DNAH10: variants seen among roughly 807,000 people sequenced by gnomAD.
DNAH10 encodes axonemal beta dynein heavy chain 10.
In DNAH10, 348 loss-of-function variants were observed where a neutral mutation model predicts 506.6. That is an observed-to-expected ratio of 0.69 (90% CI 0.63 to 0.75). DNAH10 has a LOEUF of 0.75. DNAH10 is among the 30% of genes least tolerant of loss of function. The pLI is 0.00. For missense variants in DNAH10, 5,179 were observed against 5,787.1 expected, an observed-to-expected ratio of 0.89 and a Z score of 3.41; for synonymous variants, 2,059 against 2,198.6, an observed-to-expected ratio of 0.94 and a Z score of 1.78.
At chr12:123,884,090 A>G (rs1952625766) in intron 51 of DNAH10, among the ~76,000 whole-genome samples, 1 of 151,826 alleles carries the variant, frequency 6.6e-6, no homozygotes, top group East Asian at 1.9e-4. Context: ...CTGGAGTGCA[A>G]TGACGTGATC....
chr12:123,855,123 G>A (rs1210541214), intron 36 of DNAH10, among the ~76,000 whole-genome samples: 1 of 152,112 alleles, frequency 6.6e-6, no homozygotes, highest in African/African-American at 2.4e-5. Flanking sequence ...CAATCCCCGG[G>A]GCTCCTGTGT....
In DNAH10 at chr12:123,803,745, A is replaced by C. The variant is rs889741434; in HGVS notation, c.2699A>C (p.Asp900Ala). The C allele has an allele frequency of 6.8e-6, 11 of 1,611,572 alleles. No homozygotes were observed. The highest frequency in any genetic ancestry group is 1.3e-5 in the African/African-American group (1 of 74,788). ...LVHQIHKNAD[D>A]ISSRLTLIEA... ...CACCAGATTCATAAGAATGCAGATG[A>C]CATTTCTTCCAGGCTGACATTAATA... Residue 900 changes from aspartate (D) to alanine (A), a missense_variant, in exon 17 of 79, where the codon GAC (aspartate) becomes GCC (alanine). This residue lies in a region of DNAH10 where 4,844 missense variants were observed against 5,430.5 expected (regional missense o/e 0.89). Transcript: ENST00000673944.
chr12:123,865,948 C>T lies in DNAH10; in HGVS notation c.7045-3C>T, dbSNP rs1951787338. 1.3e-6 allele frequency: 2 copies of T among 1,593,472 alleles called. No homozygotes were observed. Among genetic ancestry groups the T allele is most frequent in the African/African-American group, 1.3e-5 (1 of 74,156 alleles). On this transcript the variant is annotated splice_polypyrimidine_tract_variant and splice_region_variant and intron_variant, in intron 40 of 78. Transcript: ENST00000673944. Reference sequence around the variant, plus strand: ...CCATGATTGATTTTCTTTATTTATCCAGGTTGGAGATTTACAGTATGCCTC... The same window carrying T: ...CCATGATTGATTTTCTTTATTTATCTAGGTTGGAGATTTACAGTATGCCTC...
rs188464097 is a variant in DNAH10, at chr12:123,799,279, A to G, written c.2197A>G (p.Met733Val). ...KQKYLEVGRT[M>V]KEYEDRKYEQ... ...AAAATATTTGGAAGTAGGTAGGACA[A>G]TGAAGGAGTATGAAGACAGAAAGTA... The change falls in exon 14 of 79, where the codon ATG becomes GTG. Residue 733 changes from methionine to valine, a missense_variant. Transcript: ENST00000673944. 31 of 1,613,710 alleles carry G rather than the reference A, an allele frequency of 1.9e-5. No individual in the cohort carries two copies. In the East Asian group the frequency reaches 5.1e-4, roughly 27 times the overall value.
At position 123,785,074 on chromosome 12, in the gene DNAH10, G is replaced by A. The variant is rs1957798110; in HGVS notation, c.1231-672G>A. On this transcript the variant is annotated intron_variant, in intron 8 of 78. Transcript: ENST00000673944. The surrounding 1 kb of genome is among the most constrained non-coding windows in gnomAD (Gnocchi z 4.1). ...CTTGTACAAGGATTTGTGTGGATGTGTGTTTTTAATTATTCATGTATTATG... is the reference window on the plus strand; with the variant it reads ...CTTGTACAAGGATTTGTGTGGATGTATGTTTTTAATTATTCATGTATTATG... Among the ~76,000 whole-genome samples the A allele has an allele frequency of 6.6e-6, 1 of 152,192 alleles. No individual in the cohort carries two copies. Among genetic ancestry groups the A allele is most frequent in the Admixed American group, 6.5e-5 (1 of 15,272 alleles).
At chr12:123,896,641 G>A (rs1448956356) in intron 54 of DNAH10, among the ~76,000 whole-genome samples, 1 of 151,272 alleles carries the variant, frequency 6.6e-6, no homozygotes, top group East Asian at 1.9e-4. Context: ...TTCTGCCACG[G>A]TGTCTTGGCC....
Position 123,931,740 on chromosome 12 carries a change from C to A in DNAH10, c.13021C>A (p.Arg4341Ser), listed in dbSNP as rs777231029. Residue 4341 changes from arginine to serine, a missense_variant, in exon 75 of 79, where the codon CGC (arginine) becomes AGC (serine). Arg to Ser is a moderately radical substitution (Grantham distance 110). Around this residue, in one of 3 missense-constraint regions of DNAH10, gnomAD observed 4,844 missense variants for 5,430.5 expected, o/e 0.89. Coordinates refer to ENST00000673944, the MANE Select transcript of DNAH10 (RefSeq NM_001372106.1). ...KVFDLDQVRK[R>S]LGTGLSPTSV... Reference sequence around the variant, plus strand: ...CTTTGACTTGGACCAGGTGAGGAAGCGCCTCGGAACAGGACTCTCCCCCAC... The same window carrying A: ...CTTTGACTTGGACCAGGTGAGGAAGAGCCTCGGAACAGGACTCTCCCCCAC... 1 of 1,613,918 alleles carries A rather than the reference C, an allele frequency of 6.2e-7. No individual in the cohort carries two copies. The highest frequency in any genetic ancestry group is 8.5e-7 in the Non-Finnish European group (1 of 1,179,912).
chr12:123,815,823 C>G lies in DNAH10; in HGVS notation c.3780+1911C>G, dbSNP rs1594098815. On this transcript the variant is annotated intron_variant, in intron 21 of 78. Coordinates refer to ENST00000673944, the MANE Select transcript of DNAH10 (RefSeq NM_001372106.1). ...ACACACCTAGGCCATATGGTAGAAC[C>G]TATTGCTCCTAGGCTACAATCCTGT... Among the ~76,000 whole-genome samples, 3 of 152,200 alleles carry G rather than the reference C, an allele frequency of 2.0e-5. No homozygotes were observed. The South Asian group carries it at 6.2e-4, about 31-fold the overall frequency.
intron 24 of DNAH10, among the ~76,000 whole-genome samples, chr12:123,824,120 C>T (rs993684271): frequency 5.9e-5 from 9 of 152,038 alleles, no homozygotes; most frequent in African/African-American, 1.7e-4. Context: ...GGGGTGGCAG[C>T]GGTGCAGGTT....
intron 25 of DNAH10, among the ~76,000 whole-genome samples, chr12:123,827,718 G>A (rs1401396306): frequency 1.3e-5 from 2 of 152,150 alleles, no homozygotes; most frequent in Admixed American, 1.3e-4. Flanking sequence ...TCCCTTCTTT[G>A]GTTCCCTTCC....
chr12:123,851,252 C>T (rs1390365903), intron 35 of DNAH10, among the ~76,000 whole-genome samples, 176 bp downstream of exon 35: 3 of 149,388 alleles, frequency 2.0e-5, no homozygotes, highest in East Asian at 3.9e-4. Flanking sequence ...CCGTGTGGCT[C>T]TTCCAGACGG....
chr12:123,931,604 C>G (rs1351669475), intron 74 of DNAH10, 32 bp from the exon 75 acceptor site: 2 of 1,610,996 alleles, frequency 1.2e-6, no homozygotes, highest in East Asian at 4.5e-5. Context: ...ACGTGGATGC[C>G]TTGCTTTCTC....
intron 2 of DNAH10, among the ~76,000 whole-genome samples, chr12:123,770,964 A>G (rs937733563): frequency 4.9e-5 from 7 of 142,576 alleles, no homozygotes; most frequent in Non-Finnish European, 7.5e-5. Context: ...CTAACATGCT[A>G]GCTGTAATTC....
In DNAH10 at chr12:123,835,662, T is replaced by C. The variant is rs1594147238; in HGVS notation, c.4902+134T>C. The C allele has an allele frequency of 3.7e-6, 5 of 1,335,188 alleles. No homozygotes were observed. In the East Asian group the frequency reaches 1.3e-4, roughly 34 times the overall value. The allele number at this position is 1,335,188 out of a possible 1,614,324, so 82.7% of individuals were successfully genotyped here. A position where few individuals can be genotyped will look rare whatever the true frequency, so the allele number is the denominator to read the frequency against. On this transcript the variant is annotated intron_variant, in intron 28 of 78. Coordinates refer to ENST00000673944, the MANE Select transcript of DNAH10 (RefSeq NM_001372106.1). ...TTTTTAGAGACAGGGTTTTGCTCTG[T>C]TGCCCAGGCTGGAGTGCAGTGATGT...
At position 123,930,431 on chromosome 12, in the gene DNAH10, C is replaced by A. The variant is rs774109763; in HGVS notation, c.12642C>A (p.Ser4214Arg). The part of the protein sequence containing the change: ...EVMYGGRAID[S>R]FDRRILTIYM... ...TGTATGGAGGACGGGCCATCGACAG[C>A]TTTGATCGCCGCATCCTGACCATCT... Residue 4214 changes from serine to arginine, a missense_variant, in exon 73 of 79, where the codon AGC becomes AGA. Ser to Arg is a moderately radical substitution (Grantham distance 110, BLOSUM62 -1). Coordinates refer to ENST00000673944, the MANE Select transcript of DNAH10 (RefSeq NM_001372106.1). 1.9e-6 allele frequency: 3 copies of A among 1,591,762 alleles called. No homozygotes were observed. The highest frequency in any genetic ancestry group is 2.3e-5 in the South Asian group (2 of 87,208).
intron 56 of DNAH10, among the ~76,000 whole-genome samples, chr12:123,900,988 C>T (rs1179244552): frequency 1.3e-5 from 2 of 152,178 alleles, no homozygotes; most frequent in Non-Finnish European, 2.9e-5. Context: ...ATCCTGGTGG[C>T]CATAGGAATG....
intron 34 of DNAH10, among the ~76,000 whole-genome samples, chr12:123,849,548 A>G (rs986803089): frequency 2.0e-5 from 3 of 152,038 alleles, no homozygotes; most frequent in Non-Finnish European, 4.4e-5. Context: ...ATTTCCCTAC[A>G]CCGGGGTCTT....
chr12:123,779,356 T>G (rs1565892878), intron 5 of DNAH10, among the ~76,000 whole-genome samples: 1 of 152,140 alleles, frequency 6.6e-6, no homozygotes, highest in African/African-American at 2.4e-5. Flanking sequence ...ATCCATGAAT[T>G]TATAATGATC....
At position 123,813,221 on chromosome 12, in the gene DNAH10, G is replaced by T. The variant is rs561113993; in HGVS notation, c.3202G>T (p.Glu1068Ter). The T allele has an allele frequency of 6.2e-7, 1 of 1,613,960 alleles. No homozygotes were observed. The highest frequency in any genetic ancestry group is 1.1e-5 in the South Asian group (1 of 91,058). The change falls in exon 20 of 79, where the codon GAA (glutamate) becomes TAA (stop). Residue 1068 changes from glutamate to a stop codon, truncating the protein, a stop_gained. Transcript: ENST00000673944. LOFTEE classifies it high-confidence loss of function. ...AGAATGCCCACCTCAGAAGGGGGAG[G>T]AAGAGGAAGTTGTTATAATAAACTT... is the stretch of plus-strand genomic sequence containing the variant. ...CIECPPQKGE[E>*]EEVVIINFYN...
Sources: gnomAD v4.1 joint callset for allele counts (sites outside exome capture counted in the v4.1 genomes callset) on GRCh38, gnomAD v4.1.1 for gene constraint, gnomAD v4.1.1 regional missense constraint, Gnocchi (gnomAD v3.1) non-coding constraint, MANE v1.5 for transcripts, NCBI Gene and HGNC (gene_info 2026-07-23, HGNC 2026-07-21) for gene names.